The following NOVA1 variants were observed in gnomAD, a reference collection of about 807,000 sequenced individuals.
The protein encoded by NOVA1 is RNA-binding protein Nova-1.
In NOVA1, 7 loss-of-function variants were observed where a neutral mutation model predicts 38.0. The observed-to-expected ratio is 0.18, with a 90% CI of 0.10 to 0.35. NOVA1 has a LOEUF of 0.35. Ranked by LOEUF, NOVA1 falls within the 10% of genes least tolerant of loss-of-function variation. NOVA1 has a pLI of 1.00. For missense variants in NOVA1, 460 were observed against 616.0 expected (o/e 0.75, Z 2.68); for synonymous variants, 270 against 232.5 (o/e 1.16, Z -1.47).
intron 2 of NOVA1, among the ~76,000 whole-genome samples, chr14:26,586,502 A>G (rs1893521125): frequency 6.6e-6 from 1 of 151,412 alleles, no homozygotes; most frequent in Admixed American, 6.6e-5. Context: ...GAGTTTTTAT[A>G]AAAGTCATAA....
intron 4 of NOVA1, among the ~76,000 whole-genome samples, chr14:26,455,213 C>G (rs1434718021): frequency 6.6e-6 from 1 of 152,110 alleles, no homozygotes; most frequent in Non-Finnish European, 1.5e-5. Flanking sequence ...TGTATTTTTA[C>G]CTTTCACCCA....
chr14:26,589,173 GT>G (rs1192585442), intron 2 of NOVA1, among the ~76,000 whole-genome samples: 1 of 151,516 alleles, frequency 6.6e-6, no homozygotes, highest in Non-Finnish European at 1.5e-5. Context: ...TTTTAAGATA[GT>G]ACAGACTTTG....
intron 2 of NOVA1, among the ~76,000 whole-genome samples, chr14:26,513,256 A>T (rs1888224314): frequency 6.6e-6 from 1 of 151,918 alleles, no homozygotes; most frequent in Non-Finnish European, 1.5e-5. Context: ...TTAATTCTGT[A>T]AGCTTGAATG....
chr14:26,506,691 T>C (rs181173669), intron 2 of NOVA1, among the ~76,000 whole-genome samples: 1 of 152,206 alleles, frequency 6.6e-6, no homozygotes, highest in South Asian at 2.1e-4. Flanking sequence ...GGGATTCTCC[T>C]GTATCAGCCT....
chr14:26,496,215 T>C (rs549811602), intron 2 of NOVA1, among the ~76,000 whole-genome samples: 1 of 152,096 alleles, frequency 6.6e-6, no homozygotes, highest in Non-Finnish European at 1.5e-5. Flanking sequence ...GATATCTCAT[T>C]GTGGTTTTGA....
intron 4 of NOVA1, among the ~76,000 whole-genome samples, chr14:26,468,075 GGGTAGA>G (rs1285103663): frequency 5.3e-5 from 8 of 152,132 alleles, no homozygotes; most frequent in African/African-American, 1.4e-4. Context: ...TTATGTTGTA[GGGTAGA>G]GGTGGTGAGA....
At chr14:26,527,889 T>C (rs1299655683) in intron 2 of NOVA1, among the ~76,000 whole-genome samples, 1 of 152,164 alleles carries the variant, frequency 6.6e-6, no homozygotes, top group African/African-American at 2.4e-5. Flanking sequence ...ATGTCCCATA[T>C]CATCTTCAGG....
intron 2 of NOVA1, among the ~76,000 whole-genome samples, chr14:26,576,050 AT>A (rs1412080407): frequency 1.3e-5 from 2 of 151,700 alleles, no homozygotes; most frequent in African/African-American, 4.8e-5. Flanking sequence ...TTGATAATAC[AT>A]TTTTAGGTAT....
intron 2 of NOVA1, among the ~76,000 whole-genome samples, chr14:26,529,128 C>CT (rs5807368): frequency 7.0e-4 from 102 of 146,004 alleles, no homozygotes; most frequent in East Asian, 1.0e-3. Context: ...AGTGGTTATG[C>CT]TTTTTTTTTT....
chr14:26,491,963 A>T (rs894663493), intron 2 of NOVA1, among the ~76,000 whole-genome samples: 2 of 132,440 alleles, frequency 1.5e-5, no homozygotes, highest in Non-Finnish European at 3.2e-5. Context: ...CCATTTCTGT[A>T]AAAAAAAAAA....
At chr14:26,505,683 T>C (rs930088013) in intron 2 of NOVA1, among the ~76,000 whole-genome samples, 1 of 152,190 alleles carries the variant, frequency 6.6e-6, no homozygotes, top group South Asian at 2.1e-4. Flanking sequence ...ATATACACTA[T>C]GTAGGAAAAT....
Position 26,448,600 on chromosome 14 carries a change from C to A in NOVA1, c.883G>T (p.Ala295Ser), listed in dbSNP as rs1396510116. ...AAGLLGHANL[A>S]GVAAFPAVLS... ...ACTGCTGGAAAGGCTGCAACGCCAG[C>A]AAGGTTAGCATGTCCTAATAGCCCT... is the stretch of plus-strand genomic sequence containing the variant. Residue 295 changes from alanine (A) to serine (S), a missense_variant, in exon 5 of 5, where the codon GCT becomes TCT. By Grantham distance (99) the Ala-to-Ser change is moderately conservative (BLOSUM62 1). Coordinates refer to ENST00000539517, the MANE Select transcript of NOVA1 (RefSeq NM_002515.3). The surrounding 1 kb of genome is among the most constrained non-coding windows in gnomAD (Gnocchi z 5.3). 6.2e-7 allele frequency: 1 copy of A among 1,614,228 alleles called. No individual in the cohort carries two copies. Among genetic ancestry groups the A allele is most frequent in the Non-Finnish European group, 8.5e-7 (1 of 1,180,050 alleles).
rs140258747 is a variant in NOVA1, at chr14:26,448,691, A to G, written c.792T>C (p.Asn264=). Residue 264 remains asparagine (N), a synonymous_variant, in exon 5 of 5, where the codon AAT becomes AAC. Coordinates refer to ENST00000539517, the MANE Select transcript of NOVA1 (RefSeq NM_002515.3). This position sits in a 1 kb window ranked among gnomAD's most constrained non-coding sequence, Gnocchi z 5.3. ...CATAAGGAGATCCGGTTGGATTGGA[A>G]TTTGCCACTGGACCTGTCACATTGG... is the stretch of plus-strand genomic sequence containing the variant. ...SYANVTGPVA[N]SNPTGSPYAN... is the part of the protein sequence containing the mutation. 1 of 1,614,084 alleles carries G rather than the reference A, an allele frequency of 6.2e-7. No homozygotes were observed. Among genetic ancestry groups the G allele is most frequent in the Non-Finnish European group, 8.5e-7 (1 of 1,180,040 alleles).
At chr14:26,511,674 C>T (rs1273804558) in intron 2 of NOVA1, among the ~76,000 whole-genome samples, 1 of 151,904 alleles carries the variant, frequency 6.6e-6, no homozygotes, top group African/African-American at 2.4e-5. Flanking sequence ...ATCGCTTGAA[C>T]CTGGGAGGCA....
intron 2 of NOVA1, among the ~76,000 whole-genome samples, chr14:26,539,209 A>C (rs558566350): frequency 2.6e-5 from 4 of 152,322 alleles, no homozygotes; most frequent in Admixed American, 2.6e-4. Flanking sequence ...AGTGCCGGGT[A>C]CACAGTATTA....
chr14:26,463,223 G>A (rs921125897), intron 4 of NOVA1, among the ~76,000 whole-genome samples: 2 of 152,036 alleles, frequency 1.3e-5, no homozygotes, highest in Non-Finnish European at 2.9e-5. Context: ...CTAAGTATTG[G>A]TGCAGTAAGT....
intron 4 of NOVA1, chr14:26,470,276 G>C: frequency 2.3e-6 from 3 of 1,299,432 alleles, no homozygotes; most frequent in Non-Finnish European, 3.1e-6. Flanking sequence ...AATTAATCAG[G>C]ACTATTGACA....
chr14:26,467,985 T>G (rs1884276592), intron 4 of NOVA1, among the ~76,000 whole-genome samples: 1 of 152,118 alleles, frequency 6.6e-6, no homozygotes, highest in Non-Finnish European at 1.5e-5. Flanking sequence ...CTTCTCCCCT[T>G]GAGTGTGAGT....
rs563256647 is a variant in NOVA1 at position 26,472,172 on chromosome 14, A to G, written c.519+148T>C. The G allele has an allele frequency of 2.8e-5, 16 of 570,604 alleles. No homozygotes were observed. The South Asian group carries it at 4.1e-4, about 15-fold the overall frequency. The allele number at this position is 570,604 out of a possible 1,614,324, so 35.3% of individuals were successfully genotyped here. A position where few individuals can be genotyped will look rare whatever the true frequency, so the allele number is the denominator to read the frequency against. On this transcript the variant is annotated intron_variant, in intron 4 of 4. Coordinates refer to ENST00000539517, the MANE Select transcript of NOVA1 (RefSeq NM_002515.3). ...GCATATAAAATTTTAGAAATAATTG[A>G]TATTTCTTTCTTAGGTTATTTGGAA...
Sources: gnomAD v4.1 joint callset for allele counts (sites outside exome capture counted in the v4.1 genomes callset) on GRCh38, gnomAD v4.1.1 for gene constraint, Gnocchi (gnomAD v3.1) non-coding constraint, MANE v1.5 for transcripts, NCBI Gene and HGNC (gene_info 2026-07-23, HGNC 2026-07-21) for gene names.